Variants in TCERG1L observed in about 807,000 individuals in gnomAD.
The protein encoded by TCERG1L is transcription elongation regulator 1 like, also known as transcription elongation regulator 1-like protein.
TCERG1L carries 37 observed loss-of-function variants against 56.3 expected under a neutral mutation model. The observed-to-expected ratio is 0.66, with a 90% confidence interval of 0.51 to 0.87. The LOEUF is 0.87. Ranked by LOEUF, TCERG1L falls within the 40% of genes least tolerant of loss-of-function variation. The pLI is 0.00. For missense variants in TCERG1L, 799 were observed against 774.2 expected (o/e 1.03, Z -0.38); for synonymous variants, 324 against 326.3 (o/e 0.99, Z 0.08).
At chr10:131,210,840 G>A (rs1159728840) in intron 4 of TCERG1L, among the ~76,000 whole-genome samples, 5 of 152,110 alleles carry the variant, frequency 3.3e-5, no homozygotes, top group Non-Finnish European at 5.9e-5. Flanking sequence ...TAATTTGGGA[G>A]CAACAGTACA....
intron 4 of TCERG1L, among the ~76,000 whole-genome samples, chr10:131,183,019 C>T (rs1321928588): frequency 1.3e-5 from 2 of 152,196 alleles, no homozygotes; most frequent in Non-Finnish European, 2.9e-5. Flanking sequence ...TAACGTCAGG[C>T]TGCACAATCC....
intron 4 of TCERG1L, among the ~76,000 whole-genome samples, chr10:131,222,425 A>C (rs1272128767): frequency 2.0e-5 from 3 of 152,186 alleles, no homozygotes; most frequent in Non-Finnish European, 2.9e-5. Context: ...AAAATTCAGC[A>C]CCCTGAGAGG....
At chr10:131,265,188 T>C (rs956763932) in intron 3 of TCERG1L, among the ~76,000 whole-genome samples, 1 of 152,160 alleles carries the variant, frequency 6.6e-6, no homozygotes, top group Admixed American at 6.5e-5. Context: ...GGTTTGTATA[T>C]GGAAGTGAGA....
intron 4 of TCERG1L, among the ~76,000 whole-genome samples, chr10:131,208,989 T>C (rs1019011869): frequency 2.8e-5 from 4 of 140,886 alleles, no homozygotes; most frequent in East Asian, 2.1e-4. Context: ...ACCCGGGAGG[T>C]GGAGGTTGCA....
intron 6 of TCERG1L, among the ~76,000 whole-genome samples, chr10:131,151,306 G>C (rs1417921482): frequency 6.6e-6 from 1 of 152,172 alleles, no homozygotes; most frequent in Non-Finnish European, 1.5e-5. Context: ...AAGCAAGTTA[G>C]TTACTTCCAA....
chr10:131,230,618 TGTGAGACAGTGGGACAGTGGA>T (rs1845840221), intron 4 of TCERG1L, among the ~76,000 whole-genome samples: 1 of 152,198 alleles, frequency 6.6e-6, no homozygotes, highest in Non-Finnish European at 1.5e-5. Context: ...TCCGTGTGGA[TGTGAGACAGTGGGACAGTGGA>T]GATGGGTCTG....
intron 4 of TCERG1L, among the ~76,000 whole-genome samples, chr10:131,206,349 C>T (rs754420444): frequency 3.3e-5 from 5 of 152,110 alleles, no homozygotes; most frequent in Non-Finnish European, 5.9e-5. Flanking sequence ...GGAGTGAAGA[C>T]CGGTGTGGGA....
chr10:131,175,733 G>A (rs936544605), intron 4 of TCERG1L, among the ~76,000 whole-genome samples: 1 of 152,196 alleles, frequency 6.6e-6, no homozygotes, highest in Non-Finnish European at 1.5e-5. Flanking sequence ...AAGCACTCTT[G>A]TGTCAGGTAC....
chr10:131,163,137 A>G lies in TCERG1L; in HGVS notation c.1019T>C (p.Val340Ala). The change falls in exon 6 of 12, where the codon GTG (valine) becomes GCG (alanine). Residue 340 changes from valine (V) to alanine (A), a missense_variant. Transcript: ENST00000368642. The part of the protein sequence containing the change: ...RGNRPVASTP[V>A]PGSPWCVVWT... ...GGTGTCTTACCAGGGGGATCCGGGC[A>G]CCGGGGTGGAGGCCACTGGCCTGTT... 1 of 1,578,446 alleles carries G rather than the reference A, an allele frequency of 6.3e-7. No individual in the cohort carries two copies. The highest frequency in any genetic ancestry group is 8.6e-7 in the Non-Finnish European group (1 of 1,161,936).
At chr10:131,210,907 A>G (rs1845610642) in intron 4 of TCERG1L, among the ~76,000 whole-genome samples, 1 of 152,242 alleles carries the variant, frequency 6.6e-6, no homozygotes, top group East Asian at 1.9e-4. Context: ...GCAAGTCATT[A>G]CTTCATGTCA....
intron 8 of TCERG1L, among the ~76,000 whole-genome samples, chr10:131,125,589 T>C (rs1352676204): frequency 6.6e-6 from 1 of 152,244 alleles, no homozygotes; most frequent in Non-Finnish European, 1.5e-5. Flanking sequence ...CTTGACACTG[T>C]GCAGTGCAGA....
At chr10:131,265,475 A>G (rs1846275824) in intron 3 of TCERG1L, among the ~76,000 whole-genome samples, 1 of 152,186 alleles carries the variant, frequency 6.6e-6, no homozygotes, top group Admixed American at 6.5e-5. Context: ...TATTATCATA[A>G]AACTTCTGCC....
intron 8 of TCERG1L, among the ~76,000 whole-genome samples, chr10:131,124,720 A>G (rs572193461): frequency 6.6e-6 from 1 of 152,032 alleles, no homozygotes; most frequent in South Asian, 2.1e-4. Context: ...TTATCCCCCA[A>G]ATGACAACAA....
intron 4 of TCERG1L, among the ~76,000 whole-genome samples, chr10:131,226,965 G>C (rs1845796192): frequency 6.6e-6 from 1 of 152,262 alleles, no homozygotes; most frequent in Non-Finnish European, 1.5e-5. Context: ...CGCAGCACGA[G>C]AGCAGCTGCT....
At chr10:131,133,393 T>C (rs1212441998) in intron 8 of TCERG1L, among the ~76,000 whole-genome samples, 1 of 152,230 alleles carries the variant, frequency 6.6e-6, no homozygotes, top group Non-Finnish European at 1.5e-5. Context: ...TCATTTGGGT[T>C]CCTGTTGCAG....
At chr10:131,294,425 T>C (rs931960294) in intron 3 of TCERG1L, among the ~76,000 whole-genome samples, 1 of 152,188 alleles carries the variant, frequency 6.6e-6, no homozygotes, top group Admixed American at 6.5e-5. Context: ...ATTATCTCTT[T>C]AAAAATCTGA....
chr10:131,163,068 G>A, intron 6 of TCERG1L, 54 bp downstream of exon 6: 7 of 1,381,680 alleles, frequency 5.1e-6, no homozygotes, highest in Admixed American at 2.9e-5. Context: ...TCAGGCAAAT[G>A]CCAGGACCAG....
intron 4 of TCERG1L, among the ~76,000 whole-genome samples, chr10:131,256,992 G>A (rs11591509): frequency 0.045 from 2,664 of 58,938 alleles, 135 homozygotes; most frequent in Middle Eastern, 0.083. Context: ...AAGGAAGGAA[G>A]GAAAGAAAGA....
chr10:131,283,008 T>G (rs1810052524), intron 3 of TCERG1L, among the ~76,000 whole-genome samples: 1 of 152,244 alleles, frequency 6.6e-6, no homozygotes, highest in Non-Finnish European at 1.5e-5. Context: ...TTGAGTTGCG[T>G]AATTTGAGGG....
Sources: gnomAD v4.1 joint callset for allele counts (sites outside exome capture counted in the v4.1 genomes callset) on GRCh38, gnomAD v4.1.1 for gene constraint, MANE v1.5 for transcripts, NCBI Gene and HGNC (gene_info 2026-07-23, HGNC 2026-07-21) for gene names.